Variants in LRRC4C observed in about 807,000 individuals in gnomAD.
LRRC4C encodes the protein leucine rich repeat containing 4C.
In LRRC4C, 5 loss-of-function variants were observed where a neutral mutation model predicts 33.6. The observed-to-expected ratio is 0.15, with a 90% CI of 0.08 to 0.31. The LOEUF is 0.31. Among genes scored for constraint, LRRC4C ranks in the 10% least tolerant of loss-of-function variants. The pLI, the probability that LRRC4C is intolerant of heterozygous loss-of-function variation, is 1.00. For missense variants in LRRC4C, 560 were observed against 796.7 expected (o/e 0.70, Z 3.58); for synonymous variants, 329 against 302.0 (o/e 1.09, Z -0.93).
At chr11:41,220,717 T>C (rs1223938629) in intron 1 of LRRC4C, among the ~76,000 whole-genome samples, 3 of 152,196 alleles carry the variant, frequency 2.0e-5, no homozygotes, top group Non-Finnish European at 4.4e-5. Context: ...TTAATAAACA[T>C]AACTAAAAGC....
chr11:40,416,876 A>G (rs1257264599), intron 3 of LRRC4C, among the ~76,000 whole-genome samples: 1 of 152,218 alleles, frequency 6.6e-6, no homozygotes, highest in East Asian at 1.9e-4. Context: ...AGCCCATAGT[A>G]TATACAATAA....
chr11:40,461,119 T>C (rs1324120791), intron 3 of LRRC4C, among the ~76,000 whole-genome samples: 2 of 152,146 alleles, frequency 1.3e-5, no homozygotes, highest in Non-Finnish European at 2.9e-5. Flanking sequence ...ACAAAAAATC[T>C]TTATTGATGG....
intron 3 of LRRC4C, among the ~76,000 whole-genome samples, chr11:40,489,824 G>A (rs1565440303): frequency 6.6e-6 from 1 of 152,094 alleles, no homozygotes; most frequent in Non-Finnish European, 1.5e-5. Context: ...TTATTGACTT[G>A]ATTTTGTAAA....
chr11:40,531,532 CAG>C (rs1214103402), intron 3 of LRRC4C, among the ~76,000 whole-genome samples: 1 of 151,934 alleles, frequency 6.6e-6, no homozygotes, highest in African/African-American at 2.4e-5. Flanking sequence ...TGGTGGAAAA[CAG>C]AAAATCTCAA....
intron 1 of LRRC4C, among the ~76,000 whole-genome samples, chr11:41,175,462 A>G (rs537215669): frequency 6.6e-6 from 1 of 152,202 alleles, no homozygotes; most frequent in African/African-American, 2.4e-5. Flanking sequence ...CTGGCATTCA[A>G]GGATCCAGGC....
chr11:40,354,364 A>G (rs1483501868), intron 3 of LRRC4C, among the ~76,000 whole-genome samples: 1 of 152,136 alleles, frequency 6.6e-6, no homozygotes, highest in Non-Finnish European at 1.5e-5. Context: ...CTCATGTCCA[A>G]GAGCTCTTCA....
intron 1 of LRRC4C, among the ~76,000 whole-genome samples, chr11:41,278,267 T>C (rs1291116027): frequency 2.6e-5 from 4 of 151,620 alleles, no homozygotes; most frequent in Non-Finnish European, 5.9e-5. Context: ...ACAACATGTA[T>C]ACAGTACATC....
At chr11:40,773,309 A>T (rs1293903328) in intron 2 of LRRC4C, among the ~76,000 whole-genome samples, 2 of 152,146 alleles carry the variant, frequency 1.3e-5, no homozygotes, top group Non-Finnish European at 2.9e-5. Flanking sequence ...TAAGGTGATT[A>T]CAGTAAACAA....
chr11:40,372,368 T>C (rs1299962038), intron 3 of LRRC4C, among the ~76,000 whole-genome samples: 1 of 152,146 alleles, frequency 6.6e-6, no homozygotes, highest in Non-Finnish European at 1.5e-5. Flanking sequence ...TGCCAGATAA[T>C]GGGCATGTAG....
At chr11:41,198,107 A>G (rs1284946153) in intron 1 of LRRC4C, among the ~76,000 whole-genome samples, 2 of 152,048 alleles carry the variant, frequency 1.3e-5, no homozygotes, top group African/African-American at 4.8e-5. Flanking sequence ...TTTACTTAGG[A>G]GTATCTATGA....
intron 1 of LRRC4C, among the ~76,000 whole-genome samples, chr11:41,016,400 A>C (rs1177861287): frequency 6.6e-6 from 1 of 152,234 alleles, no homozygotes; most frequent in Non-Finnish European, 1.5e-5. Flanking sequence ...AAAGTAATAT[A>C]TCTTATATAC....
intron 5 of LRRC4C, among the ~76,000 whole-genome samples, chr11:40,224,977 A>G (rs1864678389): frequency 2.0e-5 from 3 of 152,208 alleles, no homozygotes; most frequent in African/African-American, 7.2e-5. Context: ...GAGTTACTAC[A>G]ATAACCCATA....
At chr11:40,584,205 T>TATATATATATATATATATATATATATATA (rs59881685) in intron 3 of LRRC4C, among the ~76,000 whole-genome samples, 2 of 138,428 alleles carry the variant, frequency 1.4e-5, no homozygotes, top group Non-Finnish European at 3.1e-5. Context: ...TATATATATA[T>TATATATATATATATATATATATATATATA]GAACTCTTTG....
At chr11:40,505,326 T>C (rs990793128) in intron 3 of LRRC4C, among the ~76,000 whole-genome samples, 4 of 152,216 alleles carry the variant, frequency 2.6e-5, no homozygotes, top group African/African-American at 9.6e-5. Context: ...TGCCTTAGCT[T>C]GAGTAGATGC....
At chr11:40,590,432 C>T (rs548513051) in intron 3 of LRRC4C, among the ~76,000 whole-genome samples, 3,427 of 150,606 alleles carry the variant, frequency 0.023, 54 homozygotes, top group Non-Finnish European at 0.036. Context: ...AATGTCCTCC[C>T]GTAGCTCAGA....
chr11:41,203,229 G>A (rs1946471701), intron 1 of LRRC4C, among the ~76,000 whole-genome samples: 1 of 152,312 alleles, frequency 6.6e-6, no homozygotes, highest in Middle Eastern at 3.4e-3. Context: ...CAAAATGGAT[G>A]ATTCAGTCTA....
chr11:40,642,859 T>C (rs964629833), intron 3 of LRRC4C, among the ~76,000 whole-genome samples: 7 of 152,218 alleles, frequency 4.6e-5, no homozygotes, highest in African/African-American at 1.7e-4. Flanking sequence ...GATTATTATG[T>C]TAACATTTTA....
At chr11:41,086,758 CTAACTT>C (rs1249188222) in intron 1 of LRRC4C, among the ~76,000 whole-genome samples, 1 of 151,982 alleles carries the variant, frequency 6.6e-6, no homozygotes, top group African/African-American at 2.4e-5. Context: ...CTCCAAAAGA[CTAACTT>C]TATAAGATGT....
chr11:40,820,475 A>T (rs1305384327), intron 2 of LRRC4C, among the ~76,000 whole-genome samples: 1 of 151,934 alleles, frequency 6.6e-6, no homozygotes, highest in Non-Finnish European at 1.5e-5. Context: ...CAGTATGAAG[A>T]GTAGGGAGTA....
Sources: gnomAD v4.1 joint callset for allele counts (sites outside exome capture counted in the v4.1 genomes callset) on GRCh38, gnomAD v4.1.1 for gene constraint, MANE v1.5 for transcripts, NCBI Gene and HGNC (gene_info 2026-07-23, HGNC 2026-07-21) for gene names.